GPR158: variants seen among roughly 807,000 people sequenced by gnomAD.
The protein encoded by GPR158 is G protein-coupled receptor 158, also known as metabotropic glycine receptor.
In GPR158, 30 loss-of-function variants were observed where a neutral mutation model predicts 78.2. The ratio of observed to expected loss-of-function variants is 0.38; its 90% CI spans 0.29 to 0.52. The LOEUF is 0.52. Ranked by LOEUF, GPR158 falls within the 20% of genes least tolerant of loss-of-function variation. GPR158 has a pLI of 0.83. For synonymous variants in GPR158, 581 were observed against 591.1 expected, an observed-to-expected ratio of 0.98 and a Z score of 0.25; for missense variants, 1,463 against 1,523.5, an observed-to-expected ratio of 0.96 and a Z score of 0.66.
chr10:25,374,448 T>C (rs1286189325), intron 2 of GPR158, among the ~76,000 whole-genome samples: 1 of 151,688 alleles, frequency 6.6e-6, no homozygotes, highest in African/African-American at 2.4e-5. Context: ...TTTATGTACA[T>C]GTGTGCACTT....
chr10:25,370,678 T>G (rs1214851619), intron 2 of GPR158, among the ~76,000 whole-genome samples: 1 of 150,488 alleles, frequency 6.6e-6, no homozygotes, highest in East Asian at 1.9e-4. Flanking sequence ...TAGATGTCTA[T>G]TAGGTCCGCT....
intron 2 of GPR158, among the ~76,000 whole-genome samples, chr10:25,338,624 A>ACATATTATATATATTATTT: frequency 6.8e-6 from 1 of 148,034 alleles, no homozygotes; most frequent in South Asian, 2.1e-4. Flanking sequence ...TCATATAAAT[A>ACATATTATATATATTATTT]TATAAGCTCT....
intron 5 of GPR158, among the ~76,000 whole-genome samples, chr10:25,486,812 C>CTT (rs138444360): frequency 0.43 from 65,167 of 150,264 alleles, 15,292 homozygotes; most frequent in East Asian, 0.79. Context: ...TATGATAGAC[C>CTT]ATTTTTTTTT....
intron 10 of GPR158, among the ~76,000 whole-genome samples, chr10:25,597,287 T>C (rs1837420561): frequency 6.6e-6 from 1 of 152,192 alleles, no homozygotes; most frequent in African/African-American, 2.4e-5. Flanking sequence ...ACTTTATCAA[T>C]GGCTGCATGA....
intron 1 of GPR158, among the ~76,000 whole-genome samples, chr10:25,187,496 G>A (rs1297942002): frequency 2.6e-5 from 4 of 151,610 alleles, no homozygotes; most frequent in African/African-American, 4.9e-5. Flanking sequence ...ATCAATAAAC[G>A]TAATCCAGCA....
chr10:25,572,946 A>G, intron 7 of GPR158, 59 bp downstream of exon 7: 1 of 996,856 alleles, frequency 1.0e-6, no homozygotes, highest in Admixed American at 1.7e-5. Flanking sequence ...ATTACAACTG[A>G]CTTCTTTAAA....
intron 2 of GPR158, among the ~76,000 whole-genome samples, chr10:25,276,558 A>G (rs1290901009): frequency 6.6e-6 from 1 of 152,198 alleles, no homozygotes; most frequent in African/African-American, 2.4e-5. Context: ...AACAAAATCT[A>G]GACAGAGAGC....
chr10:25,249,531 A>T (rs1267313822), intron 2 of GPR158, among the ~76,000 whole-genome samples: 1 of 151,728 alleles, frequency 6.6e-6, no homozygotes, highest in Non-Finnish European at 1.5e-5. Flanking sequence ...AGGGTTGTTG[A>T]ATTTTGTCAA....
At position 25,263,358 on chromosome 10, in the gene GPR158, A is replaced by T. The variant is rs146879265; in HGVS notation, c.1008+42201A>T. Reference sequence around the variant, plus strand: ...TTGACTGTATTTAGGTGGGCTGTCTATTCCATGACATTTATATATGTCTGT... The same window carrying T: ...TTGACTGTATTTAGGTGGGCTGTCTTTTCCATGACATTTATATATGTCTGT... On this transcript the variant is annotated intron_variant, in intron 2 of 10. Coordinates refer to ENST00000376351, the MANE Select transcript of GPR158 (RefSeq NM_020752.3). Among the ~76,000 whole-genome samples the T allele has an allele frequency of 8.1e-3, 1,237 of 152,254 alleles. 8 individuals are homozygous for T. The highest frequency in any genetic ancestry group is 0.013 in the Non-Finnish European group (876 of 68,012).
At position 25,594,415 on chromosome 10, in the gene GPR158, C is replaced by CTT; in HGVS notation, c.1998+27_1998+28dup. 6.5e-5 allele frequency: 69 copies of CTT among 1,054,502 alleles called. No homozygotes were observed. The highest frequency in any genetic ancestry group is 8.3e-5 in the African/African-American group (5 of 60,304). The allele number at this position is 1,054,502 out of a possible 1,614,324, so 65.3% of individuals were successfully genotyped here. ...TTCCAAAGGTATTCTTCTAATATTA[C>CTT]TTTTTTTTTTGCAAAACTTATTTTT... On this transcript the variant is annotated intron_variant, in intron 9 of 10. Transcript: ENST00000376351.
At chr10:25,377,352 ATTTACTTATTTTTTTGAAAACAGCTC>A (rs1358505910) in intron 2 of GPR158, among the ~76,000 whole-genome samples, 1 of 151,730 alleles carries the variant, frequency 6.6e-6, no homozygotes, top group African/African-American at 2.4e-5. Context: ...GTCTTCTTTT[ATTTACTTATTTTTTTGAAAACAGCTC>A]TATTAAAATG....
At chr10:25,562,720 G>A (rs573328946) in intron 6 of GPR158, among the ~76,000 whole-genome samples, 8 of 152,250 alleles carry the variant, frequency 5.3e-5, no homozygotes, top group Admixed American at 3.9e-4. Flanking sequence ...AATGTTCCAC[G>A]TGCACTTGAC....
chr10:25,496,371 C>G (rs553818925), intron 5 of GPR158, among the ~76,000 whole-genome samples: 1 of 152,152 alleles, frequency 6.6e-6, no homozygotes, highest in Non-Finnish European at 1.5e-5. Context: ...GCAGATATGA[C>G]CATGGCTCAC....
chr10:25,177,263 G>A (rs1021046593), intron 1 of GPR158, among the ~76,000 whole-genome samples: 1 of 152,146 alleles, frequency 6.6e-6, no homozygotes, highest in Admixed American at 6.5e-5. Flanking sequence ...TTGAGGCGGG[G>A]AATTTCTAGA....
intron 4 of GPR158, among the ~76,000 whole-genome samples, chr10:25,460,203 T>A (rs1484017274): frequency 6.6e-6 from 1 of 152,058 alleles, no homozygotes; most frequent in Non-Finnish European, 1.5e-5. Context: ...TCTTTTTTTT[T>A]TTTTCCCTCT....
chr10:25,322,476 A>G (rs1854966119), intron 2 of GPR158, among the ~76,000 whole-genome samples: 1 of 152,236 alleles, frequency 6.6e-6, no homozygotes, highest in Non-Finnish European at 1.5e-5. Flanking sequence ...TTAGCTAGAA[A>G]AGTCTTTGTA....
intron 2 of GPR158, among the ~76,000 whole-genome samples, chr10:25,328,915 G>A (rs1235750540): frequency 4.4e-4 from 21 of 47,778 alleles, no homozygotes; most frequent in Admixed American, 2.4e-3. Flanking sequence ...CAACAAGAGC[G>A]AAACTTCATC....
At chr10:25,280,677 A>T (rs1375886770) in intron 2 of GPR158, among the ~76,000 whole-genome samples, 1 of 152,200 alleles carries the variant, frequency 6.6e-6, no homozygotes, top group Non-Finnish European at 1.5e-5. Flanking sequence ...AAAGTTGACC[A>T]TGAAGCCATA....
chr10:25,375,987 T>C (rs1249798949), intron 2 of GPR158, among the ~76,000 whole-genome samples: 1 of 151,672 alleles, frequency 6.6e-6, no homozygotes, highest in Non-Finnish European at 1.5e-5. Context: ...TTGACATCTT[T>C]ATTATAGTGA....
Sources: allele counts gnomAD v4.1 joint callset (sites outside exome capture counted in the v4.1 genomes callset), GRCh38; gene constraint gnomAD v4.1.1; transcripts MANE v1.5; gene names NCBI Gene and HGNC (gene_info 2026-07-23, HGNC 2026-07-21).